Variants in WWOX observed in about 807,000 individuals in gnomAD.
The protein encoded by WWOX is WW domain-containing oxidoreductase.
Under a neutral mutation model 46.2 loss-of-function variants are expected in WWOX, and 69 were observed. The observed-to-expected ratio is 1.49, with a 90% CI of 1.23 to 1.82. The LOEUF (loss-of-function observed/expected upper bound fraction) is 1.82, where lower values mean the gene tolerates loss of function less well. Ranked by LOEUF, WWOX falls within the 40% of genes most tolerant of loss-of-function variation. The pLI is 0.00. For synonymous variants in WWOX, 359 were observed against 202.6 expected, an observed-to-expected ratio of 1.77 and a Z score of -6.56; for missense variants, 919 against 542.6, an observed-to-expected ratio of 1.69 and a Z score of -6.89.
chr16:78,568,404 A>G (rs1431852623), intron 8 of WWOX, among the ~76,000 whole-genome samples: 2 of 151,982 alleles, frequency 1.3e-5, no homozygotes, highest in Admixed American at 1.3e-4. Flanking sequence ...AGTTATTACC[A>G]AGAAATTGCT....
chr16:78,683,511 G>T (rs550348167), intron 8 of WWOX, among the ~76,000 whole-genome samples: 23 of 151,832 alleles, frequency 1.5e-4, no homozygotes, highest in African/African-American at 4.6e-4. Flanking sequence ...CTGCACTCCA[G>T]CCTGGCTGAC....
intron 8 of WWOX, among the ~76,000 whole-genome samples, chr16:79,162,879 T>G (rs1428802501): frequency 6.6e-6 from 1 of 152,214 alleles, no homozygotes; most frequent in African/African-American, 2.4e-5. Flanking sequence ...GCAAAGGTGT[T>G]GCTCTCTGCC....
intron 8 of WWOX, among the ~76,000 whole-genome samples, chr16:78,659,441 C>A (rs544653836): frequency 6.6e-6 from 1 of 152,142 alleles, no homozygotes. Flanking sequence ...ACTTCCTGAA[C>A]CAGAAACTCT....
chr16:79,052,190 T>G (rs1178701918), intron 8 of WWOX, among the ~76,000 whole-genome samples: 1 of 149,492 alleles, frequency 6.7e-6, no homozygotes, highest in Non-Finnish European at 1.5e-5. Context: ...CCCTCCCCCT[T>G]CCCCCCACCC....
rs144765986 is a variant in WWOX, at chr16:78,580,841, C to T, written c.1056+148089C>T. On this transcript the variant is annotated intron_variant, in intron 8 of 8. Transcript: ENST00000566780. ...AATGAATTCTTCTCAACACCTATGC[C>T]TCTTTCACCTCAGACATGCCTTCTA... Among the ~76,000 whole-genome samples, 617 of 152,306 alleles carry T rather than the reference C, an allele frequency of 4.1e-3. 7 individuals carry two copies. Among genetic ancestry groups the T allele is most frequent in the South Asian group, 0.029 (138 of 4,822 alleles).
At chr16:78,550,742 A>T (rs377706545) in intron 8 of WWOX, 6 of 152,276 alleles carry the variant, frequency 3.9e-5, no homozygotes, top group African/African-American at 1.4e-4. Flanking sequence ...AAGGCGGGAA[A>T]GAGCTAGCTT....
chr16:78,905,798 A>G (rs2044947768), intron 8 of WWOX, among the ~76,000 whole-genome samples: 1 of 152,210 alleles, frequency 6.6e-6, no homozygotes, highest in South Asian at 2.1e-4. Flanking sequence ...CCAACTTCTT[A>G]GAACCATGAG....
rs368407530 is a variant in WWOX, at chr16:78,194,639, C to A, written c.516+30350C>A. On this transcript the variant is annotated intron_variant, in intron 5 of 8. Transcript: ENST00000566780. ...TCAAGAATTCACATTTCTGGCCTCT[C>A]TTAAAAATATTGGAAGACATGGCAA... is the stretch of plus-strand genomic sequence containing the variant. Among the ~76,000 whole-genome samples the A allele has an allele frequency of 5.9e-5, 9 of 151,522 alleles. No individual in the cohort carries two copies. In the East Asian group the frequency reaches 1.2e-3, roughly 20 times the overall value.
chr16:78,968,483 G>A lies in WWOX; in HGVS notation c.1057-243125G>A, dbSNP rs140339558. 1.4e-3 allele frequency among the ~76,000 whole-genome samples: 215 copies of A among 152,332 alleles called. 5 individuals carry two copies. The highest frequency in any genetic ancestry group is 4.8e-3 in the African/African-American group (199 of 41,586). The stretch of plus-strand genomic sequence containing the variant: ...GCAAAATGAGATGGCAGTCTTCATC[G>A]TGGATGCAATTATGTTTCATTGTTA... On this transcript the variant is annotated intron_variant, in intron 8 of 8. Transcript: ENST00000566780.
At chr16:78,239,529 T>G (rs989222783) in intron 5 of WWOX, among the ~76,000 whole-genome samples, 2 of 152,126 alleles carry the variant, frequency 1.3e-5, no homozygotes, top group South Asian at 4.1e-4. Flanking sequence ...GTGATTTGGT[T>G]CTTCTAGCTT....
At chr16:78,177,656 G>A (rs1325562423) in intron 5 of WWOX, among the ~76,000 whole-genome samples, 4 of 152,188 alleles carry the variant, frequency 2.6e-5, no homozygotes, top group Non-Finnish European at 5.9e-5. Context: ...TCGGGGCCTT[G>A]GATTCCAGTC....
At chr16:78,387,027 A>G (rs2151934258) in intron 6 of WWOX, 79 bp downstream of exon 6, 1 of 1,409,790 alleles carries the variant, frequency 7.1e-7, no homozygotes. Context: ...CAATTGGGAG[A>G]ATGCAAGGCT....
intron 8 of WWOX, among the ~76,000 whole-genome samples, chr16:78,562,094 C>G (rs1409996178): frequency 6.6e-6 from 1 of 152,156 alleles, no homozygotes; most frequent in Non-Finnish European, 1.5e-5. Flanking sequence ...CTTCCCCTGC[C>G]CTTTTCTCAG....
chr16:78,563,143 C>T (rs1002151510), intron 8 of WWOX, among the ~76,000 whole-genome samples: 2 of 152,046 alleles, frequency 1.3e-5, no homozygotes, highest in Non-Finnish European at 2.9e-5. Flanking sequence ...AAGAGCAGTG[C>T]GATTTCTCCA....
chr16:78,842,442 A>G (rs912718248), intron 8 of WWOX, among the ~76,000 whole-genome samples: 4 of 152,060 alleles, frequency 2.6e-5, no homozygotes, highest in African/African-American at 4.8e-5. Flanking sequence ...GTGTGTGGCT[A>G]TGGTGAGCTA....
Position 78,255,905 on chromosome 16 carries a change from A to C in WWOX, c.516+91616A>C, listed in dbSNP as rs188210662. On this transcript the variant is annotated intron_variant, in intron 5 of 8. Coordinates refer to ENST00000566780, the MANE Select transcript of WWOX (RefSeq NM_016373.4). ...GCGCCTGTAATCTCATAATCTCAGC[A>C]CTTTGAGAGGCTGAGGTAGGTGGAT... is the stretch of plus-strand genomic sequence containing the variant. 2.6e-3 allele frequency among the ~76,000 whole-genome samples: 401 copies of C among 152,200 alleles called. 1 individual carries two copies. The highest frequency in any genetic ancestry group is 0.01 in the Middle Eastern group (3 of 292).
intron 8 of WWOX, chr16:78,525,394 C>G (rs2043440721): frequency 6.6e-6 from 1 of 151,740 alleles, no homozygotes; most frequent in African/African-American, 2.4e-5. Flanking sequence ...ACCATGCTAA[C>G]CAGGATGGTC....
chr16:78,363,569 G>A (rs8062581), intron 5 of WWOX, among the ~76,000 whole-genome samples: 13,136 of 152,170 alleles, frequency 0.086, 807 homozygotes, highest in African/African-American at 0.18. Flanking sequence ...GTGAGCCACT[G>A]TCCCAGGCCA....
chr16:78,960,311 G>A (rs922132094), intron 8 of WWOX, among the ~76,000 whole-genome samples: 4 of 152,206 alleles, frequency 2.6e-5, no homozygotes, highest in African/African-American at 9.6e-5. Context: ...ATATTTTCTA[G>A]CGTAACGTTT....
Sources: gnomAD v4.1 joint callset for allele counts (sites outside exome capture counted in the v4.1 genomes callset) on GRCh38, gnomAD v4.1.1 for gene constraint, MANE v1.5 for transcripts, NCBI Gene and HGNC (gene_info 2026-07-23, HGNC 2026-07-21) for gene names.